Variants in SEC63 observed in about 807,000 individuals in gnomAD.
SEC63 encodes the protein SEC63 protein translocation regulator, also known as translocation protein SEC63 homolog.
SEC63 carries 56 observed loss-of-function variants against 116.2 expected under a neutral mutation model. The ratio of observed to expected loss-of-function variants is 0.48; its 90% CI spans 0.39 to 0.60. The LOEUF (loss-of-function observed/expected upper bound fraction) is 0.60, where lower values mean the gene tolerates loss of function less well. Among genes scored for constraint, SEC63 ranks in the 20% least tolerant of loss-of-function variants. The pLI is 0.00. For missense variants in SEC63, 668 were observed against 900.0 expected (o/e 0.74, Z 3.30); for synonymous variants, 273 against 294.6 (o/e 0.93, Z 0.75).
rs957066496 is a variant in SEC63, at chr6:107,869,710, G to C, written c.*1994C>G. On this transcript the variant is annotated 3_prime_UTR_variant, in exon 21 of 21. Coordinates refer to ENST00000369002, the MANE Select transcript of SEC63 (RefSeq NM_007214.5). ...AAATTTTATTTTACTTAGTTGGGAAGTACATACACATCACACAAAGAGAAA... is the reference window on the plus strand; with the variant it reads ...AAATTTTATTTTACTTAGTTGGGAACTACATACACATCACACAAAGAGAAA... The C allele has an allele frequency of 6.6e-6, 1 of 151,094 alleles. No individual in the cohort carries two copies. Among genetic ancestry groups the C allele is most frequent in the African/African-American group, 2.4e-5 (1 of 41,132 alleles). The allele number at this position is 151,094 out of a possible 1,614,324, so 9.4% of individuals were successfully genotyped here.
intron 1 of SEC63, among the ~76,000 whole-genome samples, chr6:107,940,502 C>A (rs73501203): frequency 0.039 from 5,883 of 152,042 alleles, 359 homozygotes; most frequent in African/African-American, 0.14. Flanking sequence ...TTAGCAGCAT[C>A]GTGATCTCTA....
At chr6:107,943,374 G>C (rs1770416673) in intron 1 of SEC63, among the ~76,000 whole-genome samples, 1 of 152,130 alleles carries the variant, frequency 6.6e-6, no homozygotes, top group Non-Finnish European at 1.5e-5. Context: ...AAATGATAAA[G>C]CTGACTAGTA....
intron 1 of SEC63, among the ~76,000 whole-genome samples, chr6:107,937,307 G>A (rs9386685): frequency 6.6e-6 from 1 of 152,034 alleles, no homozygotes; most frequent in Non-Finnish European, 1.5e-5. Flanking sequence ...TGAATTTTTA[G>A]TAGAGATAGG....
At chr6:107,890,435 A>C (rs577983932) in intron 16 of SEC63, among the ~76,000 whole-genome samples, 1 of 151,992 alleles carries the variant, frequency 6.6e-6, no homozygotes. Context: ...ATATTCCTCC[A>C]TCTCTTTATT....
At chr6:107,880,324 C>T (rs146366251) in intron 18 of SEC63, among the ~76,000 whole-genome samples, 2 of 152,350 alleles carry the variant, frequency 1.3e-5, no homozygotes, top group African/African-American at 4.8e-5. Flanking sequence ...ACCTGCCAAA[C>T]ACAAGTGGTG....
rs1787802303 is a variant in SEC63 at position 107,931,348 on chromosome 6, C to T, written c.125-1834G>A. Among the ~76,000 whole-genome samples, 3 of 150,758 alleles carry T rather than the reference C, an allele frequency of 2.0e-5. No homozygotes were observed. The South Asian group carries it at 6.3e-4, about 32-fold the overall frequency. On this transcript the variant is annotated intron_variant, in intron 1 of 20. Coordinates refer to ENST00000369002, the MANE Select transcript of SEC63 (RefSeq NM_007214.5). ...CAAGAATGAAACTCCATCTCAACAA[C>T]AACAAAAAAAGCTATTATTTTAATC...
chr6:107,933,819 T>A (rs1335136740), intron 1 of SEC63, among the ~76,000 whole-genome samples: 1 of 152,066 alleles, frequency 6.6e-6, no homozygotes, highest in Non-Finnish European at 1.5e-5. Context: ...GCAACCTCCC[T>A]GCCTGATTCT....
chr6:107,899,388 A>C (rs1048373321), intron 13 of SEC63, among the ~76,000 whole-genome samples: 1 of 152,202 alleles, frequency 6.6e-6, no homozygotes, highest in Admixed American at 6.5e-5. Flanking sequence ...ACTTTCTATA[A>C]GAAAATCTCT....
chr6:107,934,492 G>A (rs1770142319), intron 1 of SEC63, among the ~76,000 whole-genome samples: 1 of 136,958 alleles, frequency 7.3e-6, no homozygotes, highest in Admixed American at 7.2e-5. Flanking sequence ...CGCTCCATCT[G>A]AGAAGTGAGG....
Position 107,904,530 on chromosome 6 carries a change from G to A in SEC63, c.1054+99C>T, listed in dbSNP as rs181237352. ...ATTGAAGAAGCTCACTGAACTGGCC[G>A]ACAGAAGTCTGAGTACCCATAAATC... is the stretch of plus-strand genomic sequence containing the variant. On this transcript the variant is annotated intron_variant, in intron 11 of 20. Transcript: ENST00000369002. 7.0e-4 allele frequency: 612 copies of A among 878,666 alleles called. 6 individuals are homozygous for A. The African/African-American group carries it at 8.1e-3, about 12-fold the overall frequency. 54.4% of individuals were successfully genotyped at this position (878,666 alleles called of 1,614,324 possible).
chr6:107,877,071 G>GTGTATATATATATATATATA (rs1409286259), intron 18 of SEC63: 2 of 34,480 alleles, frequency 5.8e-5, no homozygotes, highest in African/African-American at 1.8e-4. Context: ...ATATGTGTGT[G>GTGTATATATATATATATATA]TATATATATA....
At chr6:107,934,607 C>T (rs1213862023) in intron 1 of SEC63, among the ~76,000 whole-genome samples, 15 of 149,608 alleles carry the variant, frequency 1.0e-4, no homozygotes, top group South Asian at 4.3e-4. Context: ...GCAGCCACCC[C>T]GTCCGGGAGG....
intron 16 of SEC63, among the ~76,000 whole-genome samples, chr6:107,884,878 T>C (rs761242420): frequency 6.6e-6 from 1 of 151,676 alleles, no homozygotes; most frequent in Non-Finnish European, 1.5e-5. Context: ...GCAGGGATGG[T>C]TTCAAATTTT....
chr6:107,919,735 T>C (rs1443150801), intron 4 of SEC63, among the ~76,000 whole-genome samples: 1 of 151,120 alleles, frequency 6.6e-6, no homozygotes, highest in Non-Finnish European at 1.5e-5. Flanking sequence ...GGCAGGAGAA[T>C]GGCGTGAACC....
chr6:107,907,684 G>A (rs1375552533), intron 8 of SEC63, among the ~76,000 whole-genome samples: 1 of 152,184 alleles, frequency 6.6e-6, no homozygotes, highest in Non-Finnish European at 1.5e-5. Flanking sequence ...AATGACCTAG[G>A]ACAATATTCT....
rs753680398 is a variant in SEC63 at position 107,901,360 on chromosome 6, T to TC, written c.1357+9dup. On this transcript the variant is annotated intron_variant, in intron 13 of 20. Transcript: ENST00000369002. ...GGAAGCAATGCTCAACAGAGAAACCTCCCACTTACCCTGTGATTTTATATC... is the reference window on the plus strand; with the variant it reads ...GGAAGCAATGCTCAACAGAGAAACCTCCCCACTTACCCTGTGATTTTATATC... The TC allele has an allele frequency of 2.5e-6, 4 of 1,611,644 alleles. No homozygotes were observed. The South Asian group carries it at 4.4e-5, about 18-fold the overall frequency.
At chr6:107,940,767 T>C (rs1166636901) in intron 1 of SEC63, among the ~76,000 whole-genome samples, 1 of 145,016 alleles carries the variant, frequency 6.9e-6, no homozygotes, top group Non-Finnish European at 1.5e-5. Context: ...ACAATTGTCT[T>C]TTCCCATTCC....
intron 1 of SEC63, among the ~76,000 whole-genome samples, chr6:107,952,057 C>T (rs577895911): frequency 3.3e-5 from 5 of 151,992 alleles, no homozygotes; most frequent in African/African-American, 7.3e-5. Flanking sequence ...CTAAGCCCTC[C>T]GTGTTATCAT....
chr6:107,882,999 C>T lies in SEC63; in HGVS notation c.1822G>A (p.Asp608Asn). The change falls in exon 17 of 21, where the codon GAT (aspartate) becomes AAT (asparagine). Residue 608 changes from aspartate (D) to asparagine (N), a missense_variant. Around this residue, in one of 5 missense-constraint regions of SEC63, gnomAD observed 430 missense variants for 557.5 expected, o/e 0.77. Coordinates refer to ENST00000369002, the MANE Select transcript of SEC63 (RefSeq NM_007214.5). The stretch of plus-strand genomic sequence containing the variant: ...CCTATAAGGCTTACTGCTTCATCAT[C>T]TTTGTTTTGTTTTTCATCTTGCTCT... The part of the protein sequence containing the change: ...DREQDEKQNK[D>N]DEAEWQELQQ... The T allele has an allele frequency of 1.9e-6, 3 of 1,598,684 alleles. No individual in the cohort carries two copies. Among genetic ancestry groups the T allele is most frequent in the Non-Finnish European group, 2.6e-6 (3 of 1,167,916 alleles).
Sources: gnomAD v4.1 joint callset for allele counts (sites outside exome capture counted in the v4.1 genomes callset) on GRCh38, gnomAD v4.1.1 for gene constraint, gnomAD v4.1.1 regional missense constraint, MANE v1.5 for transcripts, NCBI Gene and HGNC (gene_info 2026-07-23, HGNC 2026-07-21) for gene names.